PICALM: variants seen among roughly 807,000 people sequenced by gnomAD.
The protein encoded by PICALM is phosphatidylinositol binding clathrin assembly protein.
Under a neutral mutation model 80.5 loss-of-function variants are expected in PICALM, and 40 were observed. The ratio of observed to expected loss-of-function variants is 0.50; its 90% CI spans 0.39 to 0.65. The LOEUF (loss-of-function observed/expected upper bound fraction) is 0.65. Ranked by LOEUF, PICALM falls within the 30% of genes least tolerant of loss-of-function variation. The pLI is 0.00. For missense variants in PICALM, 676 were observed against 778.9 expected (o/e 0.87, Z 1.57); for synonymous variants, 288 against 260.3 (o/e 1.11, Z -1.02).
intron 1 of PICALM, among the ~76,000 whole-genome samples, chr11:86,065,757 C>G (rs906069570): frequency 3.3e-5 from 5 of 152,168 alleles, no homozygotes; most frequent in Admixed American, 1.3e-4. Context: ...ACACTATTAT[C>G]CACTAACACC....
intron 1 of PICALM, among the ~76,000 whole-genome samples, chr11:86,039,229 T>C (rs1434108889): frequency 6.6e-6 from 1 of 151,696 alleles, no homozygotes; most frequent in East Asian, 1.9e-4. Flanking sequence ...CACTTAAAAA[T>C]TAGAAAATGT....
At chr11:86,055,585 C>A (rs2096256343) in intron 1 of PICALM, among the ~76,000 whole-genome samples, 1 of 152,186 alleles carries the variant, frequency 6.6e-6, no homozygotes, top group African/African-American at 2.4e-5. Context: ...TTTTCTCCTG[C>A]ACAATTCCAT....
intron 19 of PICALM, among the ~76,000 whole-genome samples, chr11:85,960,240 C>T (rs900620961): frequency 8.5e-5 from 13 of 152,176 alleles, no homozygotes; most frequent in Middle Eastern, 3.4e-3. Context: ...ATAAACTTGC[C>T]AAATCAGAAG....
At position 86,068,993 on chromosome 11, in the gene PICALM, C is replaced by G; in HGVS notation, c.-213G>C. On this transcript the variant is annotated 5_prime_UTR_variant, in exon 1 of 20. Transcript: ENST00000393346. ...GCGGAGTCGGACAAGATGTCGGGCA[C>G]TCCCTTGCCCCCGCCTCAGTTCAGC... 3 of 582,178 alleles carry G rather than the reference C, an allele frequency of 5.2e-6. No individual in the cohort carries two copies. The highest frequency in any genetic ancestry group is 4.3e-5 in the South Asian group (2 of 46,812). The allele number at this position is 582,178 out of a possible 1,614,324, so 36.1% of individuals were successfully genotyped here. A position where few individuals can be genotyped will look rare whatever the true frequency, so the allele number is the denominator to read the frequency against.
chr11:86,019,270 ATT>A (rs60566146), intron 4 of PICALM, among the ~76,000 whole-genome samples: 5 of 151,888 alleles, frequency 3.3e-5, no homozygotes, highest in Non-Finnish European at 7.4e-5. Flanking sequence ...GATATTCTTG[ATT>A]TTTTTCTTTT....
intron 17 of PICALM, 96 bp from the exon 18 acceptor site, chr11:85,976,778 T>C (rs937193122): frequency 8.2e-6 from 6 of 728,316 alleles, no homozygotes; most frequent in Admixed American, 4.1e-5. Flanking sequence ...TAAAAAGAAT[T>C]GCTAAGACAG....
chr11:85,990,437 G>A, intron 12 of PICALM, 38 bp from the exon 13 acceptor site: 2 of 1,358,496 alleles, frequency 1.5e-6, no homozygotes, highest in South Asian at 1.6e-5. Flanking sequence ...AATGAAGAAA[G>A]GAAGTAAATA....
Position 85,993,491 on chromosome 11 carries a change from T to C in PICALM, c.1259-3092A>G, listed in dbSNP as rs2135962200. 1.3e-5 allele frequency among the ~76,000 whole-genome samples: 2 copies of C among 152,266 alleles called. 1 individual carries two copies. Among genetic ancestry groups the C allele is most frequent in the South Asian group, 4.1e-4 (2 of 4,832 alleles). ...GTTCGCTCTGTCGCCCAGGCTAGAA[T>C]GCAGGGGCATGATCTTGGCTCACTG... On this transcript the variant is annotated intron_variant, in intron 12 of 19. Transcript: ENST00000393346.
At chr11:85,974,332 T>C (rs887671462) in intron 19 of PICALM, 14 of 304,254 alleles carry the variant, frequency 4.6e-5, no homozygotes, top group Admixed American at 3.5e-4. Context: ...CAACACGCCC[T>C]GCTGTAGCAT....
intron 16 of PICALM, 103 bp from the exon 17 acceptor site, chr11:85,981,331 C>A (rs150092781): frequency 3.2e-4 from 220 of 692,848 alleles, no homozygotes; most frequent in Non-Finnish European, 6.8e-5. Context: ...TGAGGCTGGG[C>A]GTGGTGGCTC....
upstream of PICALM, chr11:86,069,465 GT>G (rs1565639635): frequency 6.6e-6 from 1 of 152,576 alleles, no homozygotes; most frequent in South Asian, 2.0e-4. Context: ...CACCTCAAGT[GT>G]GTCCTCGTGT....
chr11:85,994,402 T>C (rs535707170), intron 12 of PICALM, among the ~76,000 whole-genome samples: 2 of 152,324 alleles, frequency 1.3e-5, no homozygotes, highest in African/African-American at 4.8e-5. Flanking sequence ...CTTTCATATA[T>C]ACATATAAAC....
At chr11:86,066,753 A>C (rs1042134041) in intron 1 of PICALM, among the ~76,000 whole-genome samples, 2 of 151,534 alleles carry the variant, frequency 1.3e-5, no homozygotes, top group African/African-American at 2.4e-5. Context: ...ATACAAAAAA[A>C]AAAAACAAAA....
intron 12 of PICALM, among the ~76,000 whole-genome samples, chr11:85,994,267 G>T (rs568248953): frequency 6.6e-6 from 1 of 152,000 alleles, no homozygotes; most frequent in Non-Finnish European, 1.5e-5. Flanking sequence ...ATTCAATACC[G>T]ACTGCTTGTT....
At chr11:85,960,662 C>T in intron 19 of PICALM, 1 of 1,150,218 alleles carries the variant, frequency 8.7e-7, no homozygotes, top group Non-Finnish European at 1.2e-6. Context: ...TCTCCCAAAA[C>T]AAGTAGCAAT....
chr11:86,058,294 C>T (rs2096301706), intron 1 of PICALM, among the ~76,000 whole-genome samples: 1 of 152,014 alleles, frequency 6.6e-6, no homozygotes, highest in Non-Finnish European at 1.5e-5. Flanking sequence ...TCACGTGGGA[C>T]CTATAATCAG....
At chr11:85,984,031 A>G in intron 13 of PICALM, 58 bp from the exon 14 acceptor site, 1 of 748,716 alleles carries the variant, frequency 1.3e-6, no homozygotes, top group Non-Finnish European at 2.3e-6. Flanking sequence ...ATTTACGACT[A>G]TTTAATAATG....
At chr11:86,015,235 C>A (rs1387564054) in intron 4 of PICALM, among the ~76,000 whole-genome samples, 1 of 152,142 alleles carries the variant, frequency 6.6e-6, no homozygotes. Flanking sequence ...CATTATACAG[C>A]AAGGTCTATA....
chr11:86,064,865 G>A (rs2096420916), intron 1 of PICALM, among the ~76,000 whole-genome samples: 1 of 151,702 alleles, frequency 6.6e-6, no homozygotes, highest in African/African-American at 2.4e-5. Flanking sequence ...CTTGAGCCCA[G>A]GAGTTCAAGA....
Sources: allele counts gnomAD v4.1 joint callset (sites outside exome capture counted in the v4.1 genomes callset), GRCh38; gene constraint gnomAD v4.1.1; transcripts MANE v1.5; gene names NCBI Gene and HGNC (gene_info 2026-07-23, HGNC 2026-07-21).